The following THRB variants were observed in gnomAD, a reference collection of about 807,000 sequenced individuals.
The protein encoded by THRB is nuclear receptor subfamily 1 group A member 2.
Under a neutral mutation model 47.8 loss-of-function variants are expected in THRB, and 12 were observed. The ratio of observed to expected loss-of-function variants is 0.25; its 90% CI spans 0.16 to 0.41. The LOEUF (loss-of-function observed/expected upper bound fraction) is 0.41, where lower values mean the gene tolerates loss of function less well. Among genes scored for constraint, THRB ranks in the 10% least tolerant of loss-of-function variants. The pLI, the probability that THRB is intolerant of heterozygous loss-of-function variation, is 1.00. For missense variants in THRB, 348 were observed against 589.2 expected, an observed-to-expected ratio of 0.59 and a Z score of 4.24; for synonymous variants, 218 against 212.2, an observed-to-expected ratio of 1.03 and a Z score of -0.24.
In THRB at chr3:24,277,091, A is replaced by G. The variant is rs945436009; in HGVS notation, c.-43+20135T>C. 3.3e-5 allele frequency among the ~76,000 whole-genome samples: 5 copies of G among 152,212 alleles called. No homozygotes were observed. The East Asian group carries it at 7.7e-4, about 23-fold the overall frequency. ...ACACTGGTAACAATCGTAGCTGTCA[A>G]CGTTGCCATAGAAGAGATTCCTGTG... is the stretch of plus-strand genomic sequence containing the variant. On this transcript the variant is annotated intron_variant, in intron 3 of 10. Transcript: ENST00000646209.
At position 24,327,265 on chromosome 3, in the gene THRB, C is replaced by A. The variant is rs1303804831; in HGVS notation, c.-189+10035G>T. Among the ~76,000 whole-genome samples the A allele has an allele frequency of 6.1e-5, 9 of 148,002 alleles. No homozygotes were observed. The East Asian group carries it at 1.2e-3, about 19-fold the overall frequency. On this transcript the variant is annotated intron_variant, in intron 2 of 10. Transcript: ENST00000646209. ...CAAGTAAATGCTCAGGGACCCCCCC[C>A]ACCGCCACCCTCATTCTCTCACTTC...
At chr3:24,222,530 AGAG>A (rs1237495799) in intron 4 of THRB, among the ~76,000 whole-genome samples, 2 of 152,016 alleles carry the variant, frequency 1.3e-5, no homozygotes, top group Non-Finnish European at 2.9e-5. Context: ...GAGAGGGAGA[AGAG>A]GATGTGAGGT....
chr3:24,287,500 C>T (rs1394769), intron 3 of THRB, among the ~76,000 whole-genome samples: 7,536 of 152,170 alleles, frequency 0.05, 591 homozygotes, highest in African/African-American at 0.17. Context: ...TTGTATGAGG[C>T]CACTGTCCTT....
intron 3 of THRB, 32 bp from the exon 4 acceptor site, chr3:24,229,033 A>T: frequency 8.1e-7 from 1 of 1,238,824 alleles, no homozygotes; most frequent in Non-Finnish European, 1.2e-6. Context: ...AAAATCACAG[A>T]TTATAATCTG....
At chr3:24,419,238 AGC>A (rs1185257761) in intron 1 of THRB, among the ~76,000 whole-genome samples, 1 of 151,888 alleles carries the variant, frequency 6.6e-6, no homozygotes, top group Non-Finnish European at 1.5e-5. Flanking sequence ...CTATCTCTGC[AGC>A]TTGGTGGCAG....
chr3:24,407,866 C>T (rs1232209884), intron 1 of THRB, among the ~76,000 whole-genome samples: 5 of 151,782 alleles, frequency 3.3e-5, no homozygotes, highest in African/African-American at 1.2e-4. Context: ...GTGAAATTTG[C>T]TAGTGACGAT....
intron 4 of THRB, among the ~76,000 whole-genome samples, chr3:24,209,174 G>A (rs1435482298): frequency 1.3e-5 from 2 of 152,194 alleles, no homozygotes; most frequent in Non-Finnish European, 2.9e-5. Flanking sequence ...TCATTAAAAG[G>A]TCAGGAAACA....
intron 4 of THRB, among the ~76,000 whole-genome samples, chr3:24,209,693 G>T (rs2045808573): frequency 2.6e-5 from 4 of 152,188 alleles, no homozygotes. Context: ...GCGGAGCGGG[G>T]AGGGATAGCA....
chr3:24,245,453 G>C (rs2050016353), intron 3 of THRB, among the ~76,000 whole-genome samples: 1 of 152,230 alleles, frequency 6.6e-6, no homozygotes, highest in East Asian at 1.9e-4. Context: ...TCTAATTAGG[G>C]GAGGCTGTAT....
chr3:24,340,770 G>A (rs1028088795), intron 1 of THRB, among the ~76,000 whole-genome samples: 3 of 152,010 alleles, frequency 2.0e-5, no homozygotes, highest in Admixed American at 6.6e-5. Context: ...TTATGTCTAC[G>A]TCTGAAAGTC....
chr3:24,166,318 T>C (rs559209597), intron 5 of THRB, among the ~76,000 whole-genome samples: 1 of 152,296 alleles, frequency 6.6e-6, no homozygotes, highest in Admixed American at 6.5e-5. Flanking sequence ...CAGCTTTCCT[T>C]TTCTGTTGGT....
At chr3:24,250,815 T>G (rs1482538893) in intron 3 of THRB, among the ~76,000 whole-genome samples, 1 of 152,146 alleles carries the variant, frequency 6.6e-6, no homozygotes, top group Non-Finnish European at 1.5e-5. Flanking sequence ...AAAGATTAAG[T>G]AGATATAAAA....
At chr3:24,479,796 C>T (rs1039127601) in intron 1 of THRB, among the ~76,000 whole-genome samples, 1 of 152,146 alleles carries the variant, frequency 6.6e-6, no homozygotes, top group African/African-American at 2.4e-5. Flanking sequence ...GACTATACTC[C>T]CATGGCACCA....
chr3:24,336,338 AAGACAGCATT>A (rs2062247133), intron 2 of THRB, among the ~76,000 whole-genome samples: 1 of 152,220 alleles, frequency 6.6e-6, no homozygotes, highest in Non-Finnish European at 1.5e-5. Context: ...AGGAGGCACA[AAGACAGCATT>A]CAAAAGGCCT....
At chr3:24,358,666 T>A (rs2063859165) in intron 1 of THRB, among the ~76,000 whole-genome samples, 2 of 152,186 alleles carry the variant, frequency 1.3e-5, no homozygotes, top group Admixed American at 6.5e-5. Flanking sequence ...TTGTTGTAAT[T>A]CCCCTTGATT....
chr3:24,181,269 C>A (rs1005264592), intron 5 of THRB, among the ~76,000 whole-genome samples: 1 of 152,096 alleles, frequency 6.6e-6, no homozygotes, highest in Non-Finnish European at 1.5e-5. Flanking sequence ...TATTGGAGGG[C>A]CACTTTAAAA....
At chr3:24,431,849 T>A (rs1257734334) in intron 1 of THRB, among the ~76,000 whole-genome samples, 1 of 152,052 alleles carries the variant, frequency 6.6e-6, no homozygotes, top group Non-Finnish European at 1.5e-5. Flanking sequence ...GATGAATACA[T>A]CTTAGAAATA....
intron 5 of THRB, among the ~76,000 whole-genome samples, chr3:24,163,189 A>G (rs2149263139): frequency 6.6e-6 from 1 of 152,356 alleles, no homozygotes; most frequent in Non-Finnish European, 1.5e-5. Flanking sequence ...AGCTGGGTTT[A>G]GTTTTACTGG....
chr3:24,275,365 A>G (rs1163405777), intron 3 of THRB, among the ~76,000 whole-genome samples: 1 of 152,214 alleles, frequency 6.6e-6, no homozygotes, highest in African/African-American at 2.4e-5. Context: ...TTCATCTATT[A>G]AATGAAGTTG....
Sources: allele counts gnomAD v4.1 joint callset (sites outside exome capture counted in the v4.1 genomes callset), GRCh38; gene constraint gnomAD v4.1.1; transcripts MANE v1.5; gene names NCBI Gene and HGNC (gene_info 2026-07-23, HGNC 2026-07-21).